Variants in RNF157 observed in about 807,000 individuals in gnomAD.
RNF157 encodes E3 ubiquitin ligase RNF157.
In RNF157, 55 loss-of-function variants were observed where a neutral mutation model predicts 88.3. That is an observed-to-expected ratio of 0.62 (90% CI 0.50 to 0.78). The LOEUF (loss-of-function observed/expected upper bound fraction) is 0.78, where lower values mean the gene tolerates loss of function less well. Among genes scored for constraint, RNF157 ranks in the 30% least tolerant of loss-of-function variants. RNF157 has a pLI of 0.00. For synonymous variants in RNF157, 334 were observed against 341.2 expected, an observed-to-expected ratio of 0.98 and a Z score of 0.23; for missense variants, 788 against 860.8, an observed-to-expected ratio of 0.92 and a Z score of 1.06.
intron 14 of RNF157, among the ~76,000 whole-genome samples, chr17:76,155,955 T>G (rs937165405): frequency 9.2e-5 from 14 of 152,222 alleles, no homozygotes; most frequent in Admixed American, 1.3e-4. Context: ...CATTTGCTTT[T>G]CCCTGTCATA....
At chr17:76,225,458 A>T (rs982080055) in intron 1 of RNF157, among the ~76,000 whole-genome samples, 1 of 152,144 alleles carries the variant, frequency 6.6e-6, no homozygotes, top group Non-Finnish European at 1.5e-5. Context: ...GGCCTTCCAG[A>T]TTTTTTTATA....
intron 3 of RNF157, among the ~76,000 whole-genome samples, chr17:76,172,414 A>G (rs1365761973): frequency 6.6e-6 from 1 of 151,980 alleles, no homozygotes; most frequent in Non-Finnish European, 1.5e-5. Flanking sequence ...CAACATGGAG[A>G]AACTCTGTCT....
At chr17:76,166,741 A>ATT (rs568662758) in intron 5 of RNF157, among the ~76,000 whole-genome samples, 10 of 150,424 alleles carry the variant, frequency 6.6e-5, no homozygotes, top group African/African-American at 2.2e-4. Context: ...TAACCTATAG[A>ATT]TTTTTTTTTT....
intron 2 of RNF157, among the ~76,000 whole-genome samples, chr17:76,206,323 C>T (rs546747975): frequency 1.3e-5 from 2 of 152,232 alleles, no homozygotes; most frequent in African/African-American, 4.8e-5. Flanking sequence ...ATTATCCCAA[C>T]AAAACAAGAT....
rs1258947535 is a variant in RNF157, at chr17:76,176,944, T to C, written c.208-3154A>G. Among the ~76,000 whole-genome samples the C allele has an allele frequency of 1.3e-5, 2 of 150,448 alleles. No homozygotes were observed. Among genetic ancestry groups the C allele is most frequent in the Non-Finnish European group, 3.0e-5 (2 of 67,670 alleles). ...GTTCCTGTGCCTCGGGAGGAGGTTC[T>C]GCGCAGCCCGTCTGGGGCTGCGCCC... On this transcript the variant is annotated intron_variant, in intron 2 of 18. Transcript: ENST00000269391. This position sits in a 1 kb window ranked among gnomAD's most constrained non-coding sequence, Gnocchi z 4.2.
At chr17:76,169,276 C>A (rs1474181671) in intron 3 of RNF157, among the ~76,000 whole-genome samples, 1 of 144,724 alleles carries the variant, frequency 6.9e-6, no homozygotes, top group Non-Finnish European at 1.5e-5. Flanking sequence ...TTCATTTCTG[C>A]TCCCTGTTTT....
At chr17:76,206,197 C>A (rs533160341) in intron 2 of RNF157, among the ~76,000 whole-genome samples, 11 of 152,062 alleles carry the variant, frequency 7.2e-5, no homozygotes, top group Middle Eastern at 3.4e-3. Flanking sequence ...TGCCACTGTA[C>A]CTCAGCTTGG....
intron 1 of RNF157, among the ~76,000 whole-genome samples, chr17:76,236,477 A>G (rs2070284177): frequency 1.3e-5 from 2 of 152,226 alleles, no homozygotes; most frequent in Admixed American, 1.3e-4. Context: ...CAAAGATCTT[A>G]GAGAAGCATG....
intron 2 of RNF157, among the ~76,000 whole-genome samples, chr17:76,205,630 CAGA>C (rs1402320979): frequency 6.6e-6 from 1 of 151,898 alleles, no homozygotes; most frequent in East Asian, 1.9e-4. Context: ...GAGGCTGAAG[CAGA>C]AGAATTGCTT....
At chr17:76,153,098 T>C (rs1366801206) in intron 17 of RNF157, 2 of 149,358 alleles carry the variant, frequency 1.3e-5, no homozygotes, top group Admixed American at 1.3e-4. Context: ...AGTTGTTTTT[T>C]ATCAAGCTCC....
At chr17:76,201,580 CAA>C (rs544606808) in intron 2 of RNF157, among the ~76,000 whole-genome samples, 4 of 151,810 alleles carry the variant, frequency 2.6e-5, no homozygotes, top group Non-Finnish European at 5.9e-5. Context: ...TGATATATCC[CAA>C]GAGTTACCAT....
rs1356520844 is a variant in RNF157, at chr17:76,200,136, G to A, written c.207+12228C>T. On this transcript the variant is annotated intron_variant, in intron 2 of 18. Coordinates refer to ENST00000269391, the MANE Select transcript of RNF157 (RefSeq NM_052916.3). ...GGGCGCCTGTAGTCCCAGCCACTCC[G>A]GAGGCTGAGGCAGGAGAATGCTGTG... Among the ~76,000 whole-genome samples, 24 of 152,122 alleles carry A rather than the reference G, an allele frequency of 1.6e-4. No homozygotes were observed. The East Asian group carries it at 3.7e-3, about 23-fold the overall frequency.
At chr17:76,170,696 G>A (rs2068999447) in intron 3 of RNF157, among the ~76,000 whole-genome samples, 1 of 151,972 alleles carries the variant, frequency 6.6e-6, no homozygotes, top group Non-Finnish European at 1.5e-5. Context: ...AACCCTTTGG[G>A]GGATAATATC....
intron 1 of RNF157, among the ~76,000 whole-genome samples, chr17:76,226,967 ATGCTGCCGCAGGCAC>A (rs2070100660): frequency 6.6e-6 from 1 of 152,216 alleles, no homozygotes; most frequent in Admixed American, 6.5e-5. Flanking sequence ...GCAAAGGCCA[ATGCTGCCGCAGGCAC>A]TGCTGCCCCT....
Position 76,146,725 on chromosome 17 carries a change from C to T in RNF157, c.1922-1372G>A. On this transcript the variant is annotated intron_variant, in intron 18 of 18. Coordinates refer to ENST00000269391, the MANE Select transcript of RNF157 (RefSeq NM_052916.3). The surrounding 1 kb of genome is among the most constrained non-coding windows in gnomAD (Gnocchi z 4.2). ...CCTGGAGCTCCTCCATGGGACAAAG[C>T]TCCTCCTGGGCAGGGGCCGTGACTT... 1.0e-6 allele frequency: 1 copy of T among 985,488 alleles called. No individual in the cohort carries two copies. The highest frequency in any genetic ancestry group is 1.2e-6 in the Non-Finnish European group (1 of 829,928). The allele number at this position is 985,488 out of a possible 1,614,324, so 61.0% of individuals were successfully genotyped here. A position where few individuals can be genotyped will look rare whatever the true frequency, so the allele number is the denominator to read the frequency against.
Position 76,146,228 on chromosome 17 carries a change from T to C in RNF157, c.1922-875A>G, listed in dbSNP as rs1004618557. The C allele has an allele frequency of 2.0e-5, 9 of 448,660 alleles. No individual in the cohort carries two copies. The highest frequency in any genetic ancestry group is 6.4e-5 in the Admixed American group (1 of 15,624). 27.8% of individuals were successfully genotyped at this position (448,660 alleles called of 1,614,324 possible). The stretch of plus-strand genomic sequence containing the variant: ...ACTCCCAGTTTACAGCAGTGTGACC[T>C]TGGGCACATCAGTTTACTGTGGGCC... On this transcript the variant is annotated intron_variant, in intron 18 of 18. Transcript: ENST00000269391. The surrounding 1 kb of genome is among the most constrained non-coding windows in gnomAD (Gnocchi z 4.2).
intron 2 of RNF157, among the ~76,000 whole-genome samples, chr17:76,185,475 C>CTTTTTTTTTTTTTTTTTTTT (rs71161271): frequency 8.5e-5 from 12 of 141,936 alleles, no homozygotes; most frequent in African/African-American, 1.9e-4. Context: ...TTAGTCCTTT[C>CTTTTTTTTTTTTTTTTTTTT]TTTTTTTTTT....
intron 2 of RNF157, among the ~76,000 whole-genome samples, chr17:76,185,496 G>A (rs868036658): frequency 1.9e-4 from 23 of 119,640 alleles, no homozygotes; most frequent in African/African-American, 6.7e-4. Flanking sequence ...TTGAGACGGA[G>A]TCTCGCTCTG....
At chr17:76,156,367 T>TC in intron 13 of RNF157, 46 bp from the exon 14 acceptor site, 1 of 1,612,344 alleles carries the variant, frequency 6.2e-7, no homozygotes, top group Non-Finnish European at 8.5e-7. Context: ...CAAGCGCCAG[T>TC]CACCTGTGCT....
Sources: allele counts gnomAD v4.1 joint callset (sites outside exome capture counted in the v4.1 genomes callset), GRCh38; gene constraint gnomAD v4.1.1; non-coding constraint Gnocchi (gnomAD v3.1); transcripts MANE v1.5; gene names NCBI Gene and HGNC (gene_info 2026-07-23, HGNC 2026-07-21).